The following FHIT variants were observed in gnomAD, a reference collection of about 807,000 sequenced individuals.
FHIT encodes the protein bis(5'-adenosyl)-triphosphatase.
In FHIT, 19 loss-of-function variants were observed where a neutral mutation model predicts 17.9. The ratio of observed to expected loss-of-function variants is 1.06; its 90% CI spans 0.74 to 1.56. The LOEUF is 1.56. Among genes scored for constraint, FHIT ranks in the 40% most tolerant of loss-of-function variants. FHIT has a pLI of 0.00. For synonymous variants in FHIT, 81 were observed against 69.7 expected (o/e 1.16, Z -0.81); for missense variants, 248 against 189.2 (o/e 1.31, Z -1.82).
intron 8 of FHIT, among the ~76,000 whole-genome samples, chr3:59,838,728 T>C (rs1179205533): frequency 1.3e-5 from 2 of 152,198 alleles, no homozygotes; most frequent in Non-Finnish European, 2.9e-5. Flanking sequence ...AGATTGATAA[T>C]GCTCTCTCTC....
chr3:60,170,418 T>C (rs147733973), intron 5 of FHIT, among the ~76,000 whole-genome samples: 8 of 152,132 alleles, frequency 5.3e-5, no homozygotes, highest in Non-Finnish European at 1.0e-4. Context: ...TGAAGTTACT[T>C]TGACATGCAT....
chr3:60,380,258 C>A (rs2687166), intron 5 of FHIT, among the ~76,000 whole-genome samples: 9,516 of 152,076 alleles, frequency 0.063, 1,013 homozygotes, highest in African/African-American at 0.21. Context: ...ACACAAGAGG[C>A]TGGCTGTTTA....
At chr3:60,275,467 T>C (rs1435508067) in intron 5 of FHIT, among the ~76,000 whole-genome samples, 4 of 152,216 alleles carry the variant, frequency 2.6e-5, no homozygotes, top group Non-Finnish European at 5.9e-5. Flanking sequence ...ACTAATCAGA[T>C]TCTCTCAATC....
intron 7 of FHIT, among the ~76,000 whole-genome samples, chr3:59,993,699 C>G (rs1340895874): frequency 6.6e-6 from 1 of 151,820 alleles, no homozygotes; most frequent in Non-Finnish European, 1.5e-5. Flanking sequence ...CCTGTGGGAG[C>G]TGATTTCACT....
chr3:59,893,979 T>C (rs969037966), intron 8 of FHIT, among the ~76,000 whole-genome samples: 8 of 152,000 alleles, frequency 5.3e-5, no homozygotes, highest in Admixed American at 6.6e-5. Flanking sequence ...AGAACATGGA[T>C]TCCAGCAGGG....
intron 5 of FHIT, among the ~76,000 whole-genome samples, chr3:60,477,725 G>GAACA (rs1447912088): frequency 6.6e-6 from 1 of 152,096 alleles, no homozygotes; most frequent in Non-Finnish European, 1.5e-5. Context: ...AACATGTATA[G>GAACA]AACACAAACT....
At chr3:61,141,658 G>T (rs2037085044) in intron 2 of FHIT, among the ~76,000 whole-genome samples, 2 of 151,546 alleles carry the variant, frequency 1.3e-5, no homozygotes, top group South Asian at 4.2e-4. Context: ...GGTTGAGGAA[G>T]GAGAGAAAGA....
chr3:59,990,759 C>G (rs1457343879), intron 7 of FHIT, among the ~76,000 whole-genome samples: 1 of 151,928 alleles, frequency 6.6e-6, no homozygotes, highest in African/African-American at 2.4e-5. Flanking sequence ...TTTTATTGAC[C>G]AAAGTGGTTT....
intron 5 of FHIT, among the ~76,000 whole-genome samples, chr3:60,516,517 G>A (rs1006757109): frequency 6.6e-6 from 1 of 152,094 alleles, no homozygotes; most frequent in Non-Finnish European, 1.5e-5. Flanking sequence ...CTAGAGAAAG[G>A]ACTCTAGAGT....
rs7643657 is a variant in FHIT at position 60,798,233 on chromosome 3, A to C, written c.-18+23686T>G. On this transcript the variant is annotated intron_variant, in intron 4 of 9. Coordinates refer to ENST00000492590, the MANE Select transcript of FHIT (RefSeq NM_002012.4). ...CCAATAGACAAAAAGTATCTTAAAA[A>C]AAAACCACCTTGATTATAACAACAT... Among the ~76,000 whole-genome samples, 1,213 of 152,336 alleles carry C rather than the reference A, an allele frequency of 8.0e-3. 21 individuals carry two copies. Among genetic ancestry groups the C allele is most frequent in the African/African-American group, 0.027 (1,142 of 41,586 alleles).
At chr3:60,252,629 C>A (rs773742529) in intron 5 of FHIT, among the ~76,000 whole-genome samples, 1 of 151,942 alleles carries the variant, frequency 6.6e-6, no homozygotes, top group South Asian at 2.1e-4. Context: ...GTAGTAGACA[C>A]CTTTATTCCA....
intron 8 of FHIT, among the ~76,000 whole-genome samples, chr3:59,920,691 A>G (rs543091226): frequency 6.6e-6 from 1 of 152,340 alleles, no homozygotes; most frequent in East Asian, 1.9e-4. Context: ...TTATTCATTA[A>G]AACAGTCGTA....
chr3:60,148,332 C>T (rs1430260082), intron 5 of FHIT, among the ~76,000 whole-genome samples: 1 of 152,124 alleles, frequency 6.6e-6, no homozygotes, highest in Non-Finnish European at 1.5e-5. Flanking sequence ...TTGCACAAGT[C>T]AGGGATGCAG....
intron 8 of FHIT, among the ~76,000 whole-genome samples, chr3:59,888,061 T>C (rs1180191915): frequency 1.3e-5 from 2 of 152,204 alleles, no homozygotes; most frequent in Non-Finnish European, 2.9e-5. Context: ...CGGGTGTACT[T>C]TCTAACTTTT....
chr3:60,703,721 A>G (rs1214092895), intron 4 of FHIT, among the ~76,000 whole-genome samples: 1 of 152,140 alleles, frequency 6.6e-6, no homozygotes, highest in East Asian at 1.9e-4. Flanking sequence ...ACCATAGGGA[A>G]TATCTGTTTT....
At chr3:60,308,608 T>C (rs548303519) in intron 5 of FHIT, among the ~76,000 whole-genome samples, 101 of 151,870 alleles carry the variant, frequency 6.7e-4, no homozygotes, top group African/African-American at 2.2e-3. Context: ...AACAAAATCT[T>C]GATGTGTTCA....
At chr3:60,926,384 A>T (rs1707614687) in intron 3 of FHIT, among the ~76,000 whole-genome samples, 1 of 152,228 alleles carries the variant, frequency 6.6e-6, no homozygotes, top group Non-Finnish European at 1.5e-5. Context: ...ATCAAACTAG[A>T]ACTCAGGATT....
chr3:60,711,827 G>A (rs1192958060), intron 4 of FHIT, among the ~76,000 whole-genome samples: 7 of 152,198 alleles, frequency 4.6e-5, no homozygotes. Context: ...GGGGAGAATG[G>A]AACCAAGTTG....
intron 5 of FHIT, among the ~76,000 whole-genome samples, chr3:60,044,604 G>A (rs77686022): frequency 0.016 from 2,436 of 152,092 alleles, 30 homozygotes; most frequent in Non-Finnish European, 0.024. Context: ...AAGGCCTGTA[G>A]AAATTGATCT....
Sources: allele counts gnomAD v4.1 joint callset (sites outside exome capture counted in the v4.1 genomes callset), GRCh38; gene constraint gnomAD v4.1.1; transcripts MANE v1.5; gene names NCBI Gene and HGNC (gene_info 2026-07-23, HGNC 2026-07-21).